Variants in PHKA2 observed in about 807,000 individuals in gnomAD.
The protein encoded by PHKA2 is phosphorylase kinase regulatory subunit alpha 2.
Under a neutral mutation model 102.0 loss-of-function variants are expected in PHKA2, and 31 were observed. The ratio of observed to expected loss-of-function variants is 0.30; its 90% CI spans 0.23 to 0.41. The LOEUF (loss-of-function observed/expected upper bound fraction) is 0.41, where lower values mean the gene tolerates loss of function less well. Ranked by LOEUF, PHKA2 falls within the 10% of genes least tolerant of loss-of-function variation. The pLI is 1.00. For synonymous variants in PHKA2, 455 were observed against 416.2 expected (o/e 1.09, Z -1.13); for missense variants, 858 against 1,023.1 (o/e 0.84, Z 2.20).
chrX:18,968,614 T>C (rs2048977103), intron 1 of PHKA2, among the ~76,000 whole-genome samples: 1 of 110,526 alleles, frequency 9.0e-6, no homozygotes, highest in African/African-American at 3.4e-5. Flanking sequence ...CATTTGCCCA[T>C]GTGTGATTTT....
At chrX:18,929,087 G>T in intron 13 of PHKA2, 141 bp downstream of exon 13, 2 of 482,465 alleles carry the variant, frequency 4.1e-6, no homozygotes, top group Non-Finnish European at 7.4e-6. Flanking sequence ...GTTATATAAG[G>T]CATCTCACAC....
intron 1 of PHKA2, among the ~76,000 whole-genome samples, chrX:18,961,222 A>G (rs2048865611): frequency 1.8e-5 from 2 of 112,462 alleles, no homozygotes; most frequent in African/African-American, 6.5e-5. Flanking sequence ...TAATAAATAA[A>G]TAAATGAATA....
At chrX:18,956,094 C>T (rs1037846504) in intron 1 of PHKA2, among the ~76,000 whole-genome samples, 9 of 111,674 alleles carry the variant, frequency 8.1e-5, no homozygotes, top group Non-Finnish European at 1.5e-4. Flanking sequence ...GAGGCTGAGG[C>T]GTGTGGATCA....
intron 25 of PHKA2, 29 bp from the exon 26 acceptor site, chrX:18,905,888 A>C (rs1375296329): frequency 3.0e-5 from 32 of 1,064,993 alleles, no homozygotes; most frequent in Non-Finnish European, 3.9e-5. Flanking sequence ...TAAGTGTCCC[A>C]AACACAGGGC....
chrX:18,912,776 T>C (rs1196966224), intron 19 of PHKA2, among the ~76,000 whole-genome samples: 1 of 111,176 alleles, frequency 9.0e-6, no homozygotes, highest in East Asian at 2.8e-4. Context: ...CCAGGTGTGG[T>C]GGCACATGCC....
intron 1 of PHKA2, among the ~76,000 whole-genome samples, chrX:18,976,394 C>T (rs2049091272): frequency 8.9e-6 from 1 of 111,808 alleles, no homozygotes; most frequent in Non-Finnish European, 1.9e-5. Flanking sequence ...TTAAAGGTTA[C>T]AGGTCTAATC....
At chrX:18,943,085 T>A (rs186524205) in intron 7 of PHKA2, among the ~76,000 whole-genome samples, 6 of 111,575 alleles carry the variant, frequency 5.4e-5, no homozygotes, top group African/African-American at 1.3e-4. Flanking sequence ...CAAGTCTTTA[T>A]GTATCTGACC....
At chrX:18,931,015 C>T (rs1364870763) in intron 12 of PHKA2, among the ~76,000 whole-genome samples, 1 of 111,812 alleles carries the variant, frequency 8.9e-6, no homozygotes, top group African/African-American at 3.3e-5. Context: ...CTGATAAGGT[C>T]ACTCATACTG....
chrX:18,901,369 T>G lies in PHKA2; in HGVS notation c.3027+116A>C, dbSNP rs187770478. ...GTTCAGATCCCAGACAGAAGGGACC[T>G]CCCACTCTACAGACAGTGGGCTGCA... is the stretch of plus-strand genomic sequence containing the variant. On this transcript the variant is annotated intron_variant, in intron 27 of 32. Transcript: ENST00000379942. The G allele has an allele frequency of 1.4e-5, 8 of 560,756 alleles. No homozygotes were observed. The East Asian group carries it at 2.3e-4, about 16-fold the overall frequency. The allele number at this position is 560,756 out of a possible 1,213,427, so 46.2% of individuals were successfully genotyped here. A position where few individuals can be genotyped will look rare whatever the true frequency, so the allele number is the denominator to read the frequency against.
intron 26 of PHKA2, among the ~76,000 whole-genome samples, chrX:18,903,635 G>C (rs2047742821): frequency 8.9e-6 from 1 of 112,282 alleles, no homozygotes; most frequent in Admixed American, 9.3e-5. Flanking sequence ...CGGGCTGGAG[G>C]GGGAAGTGCT....
chrX:18,905,322 C>T (rs915696891), intron 26 of PHKA2, among the ~76,000 whole-genome samples: 3 of 111,902 alleles, frequency 2.7e-5, no homozygotes, highest in Non-Finnish European at 5.7e-5. Context: ...TACAGGCGCG[C>T]GCCACCACGC....
At chrX:18,977,025 T>C in intron 1 of PHKA2, among the ~76,000 whole-genome samples, 1 of 112,324 alleles carries the variant, frequency 8.9e-6, no homozygotes. Flanking sequence ...AATATATACA[T>C]GTAAGGATAT....
chrX:18,938,644 TGAA>T lies in PHKA2; in HGVS notation c.1021_1023del (p.Phe341del). 1 of 1,206,637 alleles carries T rather than the reference TGAA, an allele frequency of 8.3e-7. No individual in the cohort carries two copies. The highest frequency in any genetic ancestry group is 1.1e-6 in the Non-Finnish European group (1 of 890,527). ...TTTCTCACCTGAACAGCATCACCACTGAAGACTCCATCTATTATAAAATATGTC... is the reference window on the plus strand; with the variant it reads ...TTTCTCACCTGAACAGCATCACCACTGACTCCATCTATTATAAAATATGTC... On this transcript the variant is annotated inframe_deletion, in exon 10 of 33. Coordinates refer to ENST00000379942, the MANE Select transcript of PHKA2 (RefSeq NM_000292.3).
Position 18,893,175 on chromosome X carries a change from A to AAAAG in PHKA2, c.*306_*309dup, listed in dbSNP as rs1491192049. On this transcript the variant is annotated 3_prime_UTR_variant, in exon 33 of 33. Coordinates refer to ENST00000379942, the MANE Select transcript of PHKA2 (RefSeq NM_000292.3). Reference sequence around the variant, plus strand: ...TGGCGTCTCAGTTCCCTCTGCACTCAAAAGAGACCAATTTCCAATTCCTCC... The same window carrying AAAAG: ...TGGCGTCTCAGTTCCCTCTGCACTCAAAAGAAAGAGACCAATTTCCAATTCCTCC... The AAAAG allele has an allele frequency of 2.8e-6, 1 of 353,307 alleles. No individual in the cohort carries two copies. The highest frequency in any genetic ancestry group is 5.0e-6 in the Non-Finnish European group (1 of 198,950). The allele number at this position is 353,307 out of a possible 1,213,427, so 29.1% of individuals were successfully genotyped here.
chrX:18,917,609 T>C (rs1418253778), intron 19 of PHKA2, among the ~76,000 whole-genome samples: 1 of 111,738 alleles, frequency 8.9e-6, no homozygotes, highest in Non-Finnish European at 1.9e-5. Flanking sequence ...AACTCTCAAA[T>C]GGGTCTGGAA....
At chrX:18,941,063 T>C (rs2048481862) in intron 8 of PHKA2, among the ~76,000 whole-genome samples, 1 of 112,385 alleles carries the variant, frequency 8.9e-6, no homozygotes, top group Non-Finnish European at 1.9e-5. Flanking sequence ...TAGTTTCAAC[T>C]GGCTGGAGTA....
At chrX:18,945,219 A>T (rs1489575067) in intron 5 of PHKA2, 61 bp from the exon 6 acceptor site, 4 of 713,182 alleles carry the variant, frequency 5.6e-6, no homozygotes, top group Non-Finnish European at 9.0e-6. Context: ...GTGCTATGGG[A>T]AAAATGCTTC....
chrX:18,905,235 G>A (rs764942638), intron 26 of PHKA2, among the ~76,000 whole-genome samples: 11 of 112,359 alleles, frequency 9.8e-5, no homozygotes, highest in African/African-American at 2.6e-4. Flanking sequence ...GCGCAGTGGC[G>A]CGATCTCAGC....
intron 11 of PHKA2, among the ~76,000 whole-genome samples, chrX:18,933,897 A>T (rs2048352319): frequency 8.9e-6 from 1 of 112,379 alleles, no homozygotes; most frequent in African/African-American, 3.2e-5. Flanking sequence ...TACAATGTGT[A>T]GTCAGCACTG....
Sources: allele counts gnomAD v4.1 joint callset (sites outside exome capture counted in the v4.1 genomes callset), GRCh38; gene constraint gnomAD v4.1.1; transcripts MANE v1.5; gene names NCBI Gene and HGNC (gene_info 2026-07-23, HGNC 2026-07-21).